BBS9: variants seen among roughly 807,000 people sequenced by gnomAD.
The protein encoded by BBS9 is Bardet-Biedl syndrome 9, also known as protein PTHB1.
Under a neutral mutation model 117.7 loss-of-function variants are expected in BBS9, and 89 were observed. That is an observed-to-expected ratio of 0.76 (90% confidence interval 0.64 to 0.90). The LOEUF is 0.90. Ranked by LOEUF, BBS9 falls within the 40% of genes least tolerant of loss-of-function variation. The probability of loss-of-function intolerance (pLI) is 0.00; values close to 1 mark genes in which losing one functional copy is unlikely to be tolerated. For missense variants in BBS9, 982 were observed against 1,042.2 expected, an observed-to-expected ratio of 0.94 and a Z score of 0.80; for synonymous variants, 379 against 370.9, an observed-to-expected ratio of 1.02 and a Z score of -0.25.
chr7:33,572,559 A>G (rs1280448185), intron 21 of BBS9, among the ~76,000 whole-genome samples: 2 of 152,096 alleles, frequency 1.3e-5, no homozygotes, highest in Non-Finnish European at 1.5e-5. Flanking sequence ...ATTCCCACCA[A>G]CAGTGTACAA....
intron 9 of BBS9, among the ~76,000 whole-genome samples, chr7:33,322,079 G>A (rs77678825): frequency 0.034 from 5,222 of 151,966 alleles, 145 homozygotes; most frequent in African/African-American, 0.078. Context: ...ATCCCACTTG[G>A]TCCTAATGAA....
At chr7:33,283,407 A>G (rs919492232) in intron 9 of BBS9, among the ~76,000 whole-genome samples, 3 of 151,804 alleles carry the variant, frequency 2.0e-5, no homozygotes, top group South Asian at 2.1e-4. Context: ...AATTATTTGT[A>G]TATATTTGTT....
At chr7:33,500,279 C>G (rs1173195013) in intron 19 of BBS9, among the ~76,000 whole-genome samples, 2 of 152,150 alleles carry the variant, frequency 1.3e-5, no homozygotes, top group Non-Finnish European at 2.9e-5. Context: ...GCTTAAATAT[C>G]AAGATGAAAA....
intron 5 of BBS9, among the ~76,000 whole-genome samples, chr7:33,178,185 TG>T (rs1191946730): frequency 2.6e-5 from 4 of 151,930 alleles, no homozygotes; most frequent in African/African-American, 9.7e-5. Context: ...GCTGGAAGAG[TG>T]GGGGATGTGG....
chr7:33,406,353 T>G, intron 19 of BBS9, among the ~76,000 whole-genome samples: 1 of 152,230 alleles, frequency 6.6e-6, no homozygotes, highest in South Asian at 2.1e-4. Context: ...AGATGTCTAT[T>G]AGGTCTGCTT....
At chr7:33,505,683 T>G in intron 20 of BBS9, 38 bp downstream of exon 20, 1 of 1,605,836 alleles carries the variant, frequency 6.2e-7, no homozygotes, top group Non-Finnish European at 8.5e-7. Context: ...ACAGCCAGCA[T>G]TATTGAAGTT....
chr7:33,278,266 A>C (rs1055726652), intron 9 of BBS9, among the ~76,000 whole-genome samples: 1 of 152,156 alleles, frequency 6.6e-6, no homozygotes, highest in South Asian at 2.1e-4. Context: ...ACTTCTTCCT[A>C]CTGACAGGGG....
intron 19 of BBS9, among the ~76,000 whole-genome samples, chr7:33,435,569 A>G (rs1482002362): frequency 7.0e-6 from 1 of 143,060 alleles, no homozygotes; most frequent in Admixed American, 6.9e-5. Context: ...TGCCTTCAAA[A>G]ATGTTTTTGT....
At chr7:33,557,073 T>C (rs1294022297) in intron 21 of BBS9, among the ~76,000 whole-genome samples, 1 of 152,188 alleles carries the variant, frequency 6.6e-6, no homozygotes, top group African/African-American at 2.4e-5. Flanking sequence ...CAAGACCAGT[T>C]GCCTTTCCTC....
rs903453682 is a variant in BBS9, at chr7:33,165,386, G to A, written c.328+9684G>A. ...TTTGAATGTTGGCCTGCCTTGCTAG[G>A]TTGGGGAAGTTCTCCTGGATAATAT... is the stretch of plus-strand genomic sequence containing the variant. On this transcript the variant is annotated intron_variant, in intron 4 of 22. Transcript: ENST00000242067. Among the ~76,000 whole-genome samples the A allele has an allele frequency of 5.9e-5, 9 of 152,228 alleles. No individual in the cohort carries two copies. In the South Asian group the frequency reaches 1.2e-3, roughly 21 times the overall value.
chr7:33,246,068 A>T (rs1409711616), intron 5 of BBS9, among the ~76,000 whole-genome samples: 2 of 152,156 alleles, frequency 1.3e-5, no homozygotes, highest in Non-Finnish European at 2.9e-5. Context: ...GTATATTTGT[A>T]TGTATGACTT....
At chr7:33,499,327 C>T (rs186647955) in intron 19 of BBS9, among the ~76,000 whole-genome samples, 40 of 152,290 alleles carry the variant, frequency 2.6e-4, no homozygotes, top group Middle Eastern at 6.8e-3. Flanking sequence ...TGAACACTGA[C>T]ATAAAGCTGC....
intron 19 of BBS9, among the ~76,000 whole-genome samples, chr7:33,498,176 G>A (rs1333971166): frequency 6.6e-6 from 1 of 152,064 alleles, no homozygotes; most frequent in Admixed American, 6.6e-5. Context: ...CCAGTCACAT[G>A]GTTATTCCAT....
intron 5 of BBS9, among the ~76,000 whole-genome samples, chr7:33,183,396 C>G (rs531562564): frequency 6.6e-6 from 1 of 152,230 alleles, no homozygotes; most frequent in African/African-American, 2.4e-5. Context: ...AACATAAAGG[C>G]CTTTAAAATG....
intron 21 of BBS9, among the ~76,000 whole-genome samples, chr7:33,625,171 A>G (rs1457872013): frequency 6.6e-6 from 1 of 152,214 alleles, no homozygotes; most frequent in African/African-American, 2.4e-5. Context: ...ACAAAATTAT[A>G]GTACCTTGGG....
intron 19 of BBS9, among the ~76,000 whole-genome samples, chr7:33,406,993 T>C (rs1324495694): frequency 1.3e-5 from 2 of 149,026 alleles, no homozygotes; most frequent in African/African-American, 5.0e-5. Flanking sequence ...CCTTGCTAGA[T>C]TGGGGAAGTT....
intron 21 of BBS9, among the ~76,000 whole-genome samples, chr7:33,542,723 GTGTGTGTGTA>G (rs1406311682): frequency 4.0e-5 from 4 of 98,800 alleles, no homozygotes; most frequent in East Asian, 3.8e-4. Context: ...GTGTGTGTGT[GTGTGTGTGTA>G]TATGTGTGTG....
Position 33,152,802 on chromosome 7 carries a change from G to T in BBS9, c.214G>T (p.Val72Leu), listed in dbSNP as rs765240871. ...GAQAEDLLLEVDLRDPVLQVE... is the reference protein window; with the variant it reads ...GAQAEDLLLELDLRDPVLQVE... ...TCAAGCCGAAGATTTGCTTCTAGAA[G>T]TGGATCTACGAGATCCAGTACTTCA... The change falls in exon 3 of 23, where the codon GTG becomes TTG. Residue 72 changes from valine (V) to leucine (L), a missense_variant. Physicochemically the swap from Val to Leu is conservative, Grantham distance 32 (BLOSUM62 1). Transcript: ENST00000242067. 5.6e-6 allele frequency: 9 copies of T among 1,613,718 alleles called. No homozygotes were observed. Among genetic ancestry groups the T allele is most frequent in the Middle Eastern group, 3.3e-4 (2 of 6,082 alleles).
rs532100813 is a variant in BBS9, at chr7:33,362,063, G to A, written c.1693+4068G>A. ...AGTAATTCCTTATCCTGCATCCCAA[G>A]CAACCACTGATCTGCTTTCTGTTAC... On this transcript the variant is annotated intron_variant, in intron 16 of 22. Coordinates refer to ENST00000242067, the MANE Select transcript of BBS9 (RefSeq NM_198428.3). Among the ~76,000 whole-genome samples the A allele has an allele frequency of 2.0e-5, 3 of 152,168 alleles. No homozygotes were observed. The South Asian group carries it at 6.2e-4, about 32-fold the overall frequency.
Sources: allele counts gnomAD v4.1 joint callset (sites outside exome capture counted in the v4.1 genomes callset), GRCh38; gene constraint gnomAD v4.1.1; transcripts MANE v1.5; gene names NCBI Gene and HGNC (gene_info 2026-07-23, HGNC 2026-07-21).